Variants in LIMK1 observed in about 807,000 individuals in gnomAD.
The protein encoded by LIMK1 is LIM domain kinase 1.
LIMK1 carries 21 observed loss-of-function variants against 77.6 expected under a neutral mutation model. The ratio of observed to expected loss-of-function variants is 0.27; its 90% CI spans 0.19 to 0.39. The LOEUF is 0.39. Ranked by LOEUF, LIMK1 falls within the 10% of genes least tolerant of loss-of-function variation. The pLI, the probability that LIMK1 is intolerant of heterozygous loss-of-function variation, is 1.00. For synonymous variants in LIMK1, 358 were observed against 370.0 expected, an observed-to-expected ratio of 0.97 and a Z score of 0.37; for missense variants, 696 against 901.6, an observed-to-expected ratio of 0.77 and a Z score of 2.92.
chr7:74,121,076 G>A, intron 15 of LIMK1, 27 bp downstream of exon 15: 1 of 1,595,226 alleles, frequency 6.3e-7, no homozygotes, highest in South Asian at 1.1e-5. Context: ...CCTGGCCTGG[G>A]AGACGGTGGG....
chr7:74,112,029 TCAGGAGACAG>T, intron 12 of LIMK1, 31 bp downstream of exon 12: 2 of 1,550,262 alleles, frequency 1.3e-6, no homozygotes, highest in Non-Finnish European at 1.8e-6. Context: ...TGGCTGGGTG[TCAGGAGACAG>T]CAGGAGCCCA....
intron 2 of LIMK1, chr7:74,092,940 C>T: frequency 2.7e-6 from 1 of 367,966 alleles, no homozygotes; most frequent in Non-Finnish European, 4.8e-6. Flanking sequence ...GAGGAGCCTA[C>T]AGCGTGTGTT....
intron 2 of LIMK1, among the ~76,000 whole-genome samples, chr7:74,088,034 C>CA (rs1799165215): frequency 6.6e-6 from 1 of 152,190 alleles, no homozygotes; most frequent in Non-Finnish European, 1.5e-5. Context: ...CTCAGCCTCC[C>CA]AAAGTGCTGG....
intron 11 of LIMK1, 80 bp downstream of exon 11, chr7:74,111,787 G>A: frequency 6.7e-7 from 1 of 1,483,180 alleles, no homozygotes; most frequent in Non-Finnish European, 9.4e-7. Context: ...AGCTTTGAAA[G>A]AGGGCAGAGG....
At position 74,109,044 on chromosome 7, in the gene LIMK1, C is replaced by T. The variant is rs1249271239; in HGVS notation, c.1284+8C>T. On this transcript the variant is annotated splice_region_variant and intron_variant, in intron 10 of 15. Transcript: ENST00000336180. ...GGCATCATCAAGAGCATGGTGAGTC[C>T]TGGGCAGAGCCAGCCACCCCCGCTG... The T allele has an allele frequency of 6.2e-7, 1 of 1,608,254 alleles. No individual in the cohort carries two copies. Among genetic ancestry groups the T allele is most frequent in the Non-Finnish European group, 8.5e-7 (1 of 1,176,454 alleles).
intron 11 of LIMK1, 92 bp from the exon 12 acceptor site, chr7:74,111,841 T>G: frequency 6.9e-7 from 1 of 1,440,086 alleles, no homozygotes; most frequent in Non-Finnish European, 9.8e-7. Context: ...CTGGCCTGAT[T>G]GGGGTGGGAG....
At chr7:74,115,637 C>G in intron 12 of LIMK1, 165 bp from the exon 13 acceptor site, 1 of 650,226 alleles carries the variant, frequency 1.5e-6, no homozygotes, top group East Asian at 2.8e-5. Context: ...TTGCAAAGAG[C>G]GGATGGGTTT....
At chr7:74,120,493 G>A in intron 13 of LIMK1, 90 bp from the exon 14 acceptor site, 1 of 1,424,088 alleles carries the variant, frequency 7.0e-7, no homozygotes. Flanking sequence ...TCCCGGCCGG[G>A]GCATCCTCCC....
rs1799649023 is a variant in LIMK1, at chr7:74,109,256, A to C, written c.1284+220A>C. The C allele has an allele frequency of 1.4e-5, 7 of 499,666 alleles. No homozygotes were observed. The Admixed American group carries it at 2.1e-4, about 15-fold the overall frequency. The allele number at this position is 499,666 out of a possible 1,614,324, so 31.0% of individuals were successfully genotyped here. A position where few individuals can be genotyped will look rare whatever the true frequency, so the allele number is the denominator to read the frequency against. ...ACACCTGTTATTCTGGCACTTTGGGAGCCCAAGGCAAGAGGATCACTCGAG... is the reference window on the plus strand; with the variant it reads ...ACACCTGTTATTCTGGCACTTTGGGCGCCCAAGGCAAGAGGATCACTCGAG... On this transcript the variant is annotated intron_variant, in intron 10 of 15. Transcript: ENST00000336180.
chr7:74,093,325 T>G (rs1269395190), intron 2 of LIMK1: 1 of 1,535,638 alleles, frequency 6.5e-7, no homozygotes, highest in African/African-American at 1.4e-5. Context: ...CCTCCCTACT[T>G]GTCCTGGGCT....
At chr7:74,120,801 C>T (rs1799919018) in intron 14 of LIMK1, 91 bp from the exon 15 acceptor site, 10 of 1,573,320 alleles carry the variant, frequency 6.4e-6, no homozygotes, top group Non-Finnish European at 8.7e-6. Flanking sequence ...CAGCCAGGCC[C>T]AGTGCCACCT....
rs1355237270 is a variant in LIMK1, at chr7:74,118,159, G to A, written c.1567+2201G>A. Among the ~76,000 whole-genome samples, 7 of 151,204 alleles carry A rather than the reference G, an allele frequency of 4.6e-5. No homozygotes were observed. The South Asian group carries it at 6.3e-4, about 14-fold the overall frequency. On this transcript the variant is annotated intron_variant, in intron 13 of 15. Transcript: ENST00000336180. The stretch of plus-strand genomic sequence containing the variant: ...TGGGAGGCTGAGGTGGGCGGATCAC[G>A]AGGTCAAGAGATTGAGACCATCCTG...
At chr7:74,086,343 C>A in intron 2 of LIMK1, among the ~76,000 whole-genome samples, 1 of 151,822 alleles carries the variant, frequency 6.6e-6, no homozygotes, top group South Asian at 2.1e-4. Context: ...CCGCTCCTGG[C>A]CTCATTTTAT....
At chr7:74,104,716 A>G (rs1376961260) in intron 5 of LIMK1, among the ~76,000 whole-genome samples, 2 of 152,102 alleles carry the variant, frequency 1.3e-5, no homozygotes, top group Non-Finnish European at 2.9e-5. Context: ...TCTTTTTGTG[A>G]GTTAGCTTAT....
At chr7:74,109,125 G>A (rs782135598) in intron 10 of LIMK1, 89 bp downstream of exon 10, 3 of 1,056,564 alleles carry the variant, frequency 2.8e-6, no homozygotes, top group South Asian at 2.7e-5. Context: ...CTCTTCAATG[G>A]GGGGAAGCCA....
At chr7:74,093,345 G>A (rs1014622231) in intron 2 of LIMK1, 2 of 1,535,080 alleles carry the variant, frequency 1.3e-6, no homozygotes, top group South Asian at 1.2e-5. Flanking sequence ...TCCAGGCAGG[G>A]CCCCTGGTGT....
intron 2 of LIMK1, among the ~76,000 whole-genome samples, chr7:74,094,764 C>G (rs915739551): frequency 1.3e-5 from 2 of 152,048 alleles, no homozygotes; most frequent in East Asian, 3.9e-4. Context: ...GGTGAACTGC[C>G]GGCCCCCTGC....
intron 2 of LIMK1, chr7:74,093,033 C>A: frequency 9.3e-7 from 1 of 1,080,504 alleles, no homozygotes; most frequent in Non-Finnish European, 1.3e-6. Context: ...CGCACCAAAG[C>A]CCAGGCAAAG....
chr7:74,090,464 C>T lies in LIMK1; in HGVS notation c.152+4620C>T, dbSNP rs374996609. On this transcript the variant is annotated intron_variant, in intron 2 of 15. Transcript: ENST00000336180. ...TGGCTTGTGGGTGTGATACTCCCAA[C>T]AGTCCCCAAAGCTGGTGGTCCTCAC... 1.9e-4 allele frequency among the ~76,000 whole-genome samples: 29 copies of T among 152,222 alleles called. 2 individuals carry two copies. The East Asian group carries it at 4.5e-3, about 23-fold the overall frequency.
Sources: allele counts gnomAD v4.1 joint callset (sites outside exome capture counted in the v4.1 genomes callset), GRCh38; gene constraint gnomAD v4.1.1; transcripts MANE v1.5; gene names NCBI Gene and HGNC (gene_info 2026-07-23, HGNC 2026-07-21).